Variants in SNTB1 observed in about 807,000 individuals in gnomAD.
The protein encoded by SNTB1 is beta-1-syntrophin.
In SNTB1, 36 loss-of-function variants were observed where a neutral mutation model predicts 48.9. The ratio of observed to expected loss-of-function variants is 0.74; its 90% confidence interval spans 0.56 to 0.97. The LOEUF is 0.97. Among genes scored for constraint, SNTB1 ranks in the 50% least tolerant of loss-of-function variants. SNTB1 has a pLI of 0.00. For synonymous variants in SNTB1, 299 were observed against 294.6 expected, an observed-to-expected ratio of 1.01 and a Z score of -0.15; for missense variants, 786 against 703.4, an observed-to-expected ratio of 1.12 and a Z score of -1.33.
chr8:120,596,444 T>C (rs1563827292), intron 3 of SNTB1, among the ~76,000 whole-genome samples: 1 of 152,236 alleles, frequency 6.6e-6, no homozygotes, highest in Middle Eastern at 3.2e-3. Flanking sequence ...TACAAACCAA[T>C]CATGACCCAA....
At chr8:120,708,561 A>G (rs1035518900) in intron 1 of SNTB1, among the ~76,000 whole-genome samples, 2 of 152,154 alleles carry the variant, frequency 1.3e-5, no homozygotes, top group Non-Finnish European at 2.9e-5. Flanking sequence ...AATGCCAAAC[A>G]AAATGTCAGT....
chr8:120,702,558 G>T (rs1383642466), intron 1 of SNTB1, among the ~76,000 whole-genome samples: 3 of 151,674 alleles, frequency 2.0e-5, no homozygotes, highest in Admixed American at 6.5e-5. Flanking sequence ...CCTCAGGCAT[G>T]CCTCCCTTAA....
intron 1 of SNTB1, among the ~76,000 whole-genome samples, chr8:120,754,116 T>C (rs1197836942): frequency 6.6e-6 from 1 of 152,170 alleles, no homozygotes; most frequent in African/African-American, 2.4e-5. Context: ...TTTGAAACTA[T>C]AAATACATGG....
In SNTB1 at chr8:120,811,633, C is replaced by T. The variant is rs1718252745; in HGVS notation, c.211G>A (p.Gly71Ser). ...GCGCCCGGGTGCCCAGCCCCGGCGC[C>T]CCTGCAGAACGAGCCATTGGTGGCG... ...GTATNGSFCR[G>S]AGAGHPGAGG... Residue 71 changes from glycine (G) to serine (S), a missense_variant, in exon 1 of 7, where the codon GGC becomes AGC. Coordinates refer to ENST00000517992, the MANE Select transcript of SNTB1 (RefSeq NM_021021.4). The T allele has an allele frequency of 1.9e-6, 3 of 1,592,800 alleles. No individual in the cohort carries two copies. The highest frequency in any genetic ancestry group is 1.8e-5 in the Admixed American group (1 of 56,562).
intron 3 of SNTB1, among the ~76,000 whole-genome samples, chr8:120,609,571 C>T (rs1278878202): frequency 2.0e-5 from 3 of 152,078 alleles, no homozygotes; most frequent in Admixed American, 6.6e-5. Flanking sequence ...CTTTGGGGAG[C>T]GCTGCCAAGC....
At chr8:120,560,712 T>C (rs1167171135) in intron 4 of SNTB1, among the ~76,000 whole-genome samples, 1 of 152,202 alleles carries the variant, frequency 6.6e-6, no homozygotes, top group Non-Finnish European at 1.5e-5. Flanking sequence ...CCTCCATACC[T>C]TTCTTTGTGC....
At chr8:120,541,380 C>T (rs979614217) in intron 6 of SNTB1, among the ~76,000 whole-genome samples, 1 of 152,140 alleles carries the variant, frequency 6.6e-6, no homozygotes, top group Non-Finnish European at 1.5e-5. Context: ...TCATCTGGCC[C>T]CTCCTGTCTC....
chr8:120,799,259 CTG>C (rs1820174524), intron 1 of SNTB1, among the ~76,000 whole-genome samples: 1 of 151,980 alleles, frequency 6.6e-6, no homozygotes, highest in African/African-American at 2.4e-5. Context: ...ATTTCAGATT[CTG>C]TCTCTTGGGG....
At chr8:120,695,518 C>A (rs1480218270) in intron 1 of SNTB1, among the ~76,000 whole-genome samples, 1 of 152,190 alleles carries the variant, frequency 6.6e-6, no homozygotes, top group Non-Finnish European at 1.5e-5. Flanking sequence ...AGATGCTCTG[C>A]TTCTCAGAAA....
intron 1 of SNTB1, among the ~76,000 whole-genome samples, chr8:120,740,576 T>C (rs1380344342): frequency 1.3e-5 from 2 of 152,110 alleles, no homozygotes; most frequent in East Asian, 3.9e-4. Context: ...GAACTGGAAC[T>C]GGCTTACAGG....
At position 120,725,326 on chromosome 8, in the gene SNTB1, T is replaced by C. The variant is rs186922533; in HGVS notation, c.572-31418A>G. ...GGTAACCAGCTCAGTATTCATTCTT[T>C]AAGGACTCTCCATTCTTCCCTGTAT... On this transcript the variant is annotated intron_variant, in intron 1 of 6. Transcript: ENST00000517992. 4.3e-3 allele frequency among the ~76,000 whole-genome samples: 648 copies of C among 152,288 alleles called. 8 individuals are homozygous for C. The highest frequency in any genetic ancestry group is 0.015 in the African/African-American group (612 of 41,562).
intron 2 of SNTB1, among the ~76,000 whole-genome samples, chr8:120,667,057 G>A (rs1055199944): frequency 1.3e-5 from 2 of 149,494 alleles, no homozygotes; most frequent in Non-Finnish European, 3.0e-5. Flanking sequence ...GGTCAGATTT[G>A]CTCCTTCTTT....
chr8:120,643,581 T>C (rs894687534), intron 2 of SNTB1, among the ~76,000 whole-genome samples: 2 of 152,250 alleles, frequency 1.3e-5, no homozygotes, highest in African/African-American at 4.8e-5. Flanking sequence ...TCCAGGTTGC[T>C]GCAAATGCCA....
At chr8:120,730,898 T>G (rs1238455131) in intron 1 of SNTB1, among the ~76,000 whole-genome samples, 1 of 152,036 alleles carries the variant, frequency 6.6e-6, no homozygotes, top group Non-Finnish European at 1.5e-5. Flanking sequence ...GACATGTGGA[T>G]CAGTTGAGGT....
intron 3 of SNTB1, among the ~76,000 whole-genome samples, chr8:120,627,185 G>A (rs1047526851): frequency 6.6e-6 from 1 of 152,206 alleles, no homozygotes; most frequent in African/African-American, 2.4e-5. Flanking sequence ...GGTGGGATTT[G>A]TGAACTGAAG....
At chr8:120,746,711 C>T (rs1048903283) in intron 1 of SNTB1, among the ~76,000 whole-genome samples, 7 of 152,156 alleles carry the variant, frequency 4.6e-5, no homozygotes, top group Non-Finnish European at 1.0e-4. Context: ...AGACAGGCAG[C>T]TTTCAAAATA....
At chr8:120,600,169 T>C (rs1020367375) in intron 3 of SNTB1, among the ~76,000 whole-genome samples, 3 of 152,248 alleles carry the variant, frequency 2.0e-5, no homozygotes, top group Non-Finnish European at 4.4e-5. Flanking sequence ...TGACTTGTTT[T>C]GACTAACAGG....
At chr8:120,575,417 G>T (rs145783901) in intron 3 of SNTB1, among the ~76,000 whole-genome samples, 192 bp from the exon 4 acceptor site, 105 of 152,264 alleles carry the variant, frequency 6.9e-4, no homozygotes, top group African/African-American at 1.8e-3. Flanking sequence ...TGTCTCAAGG[G>T]CCCTGAAATG....
intron 6 of SNTB1, among the ~76,000 whole-genome samples, chr8:120,539,177 T>C (rs1815245960): frequency 6.6e-6 from 1 of 152,210 alleles, no homozygotes; most frequent in Non-Finnish European, 1.5e-5. Context: ...TTTTCCGAAA[T>C]AGTTCCTGTG....
Sources: gnomAD v4.1 joint callset for allele counts (sites outside exome capture counted in the v4.1 genomes callset) on GRCh38, gnomAD v4.1.1 for gene constraint, MANE v1.5 for transcripts, NCBI Gene and HGNC (gene_info 2026-07-23, HGNC 2026-07-21) for gene names.